Variants in RTTN observed in about 807,000 individuals in gnomAD.
RTTN encodes the protein rotatin.
A neutral mutation model predicts 269.2 loss-of-function variants in RTTN; 182 were observed. That is an observed-to-expected ratio of 0.68 (90% confidence interval 0.60 to 0.76). The LOEUF (loss-of-function observed/expected upper bound fraction) is 0.76. RTTN is among the 30% of genes least tolerant of loss of function. RTTN has a pLI of 0.00. For synonymous variants in RTTN, 1,006 were observed against 963.5 expected, an observed-to-expected ratio of 1.04 and a Z score of -0.82; for missense variants, 2,545 against 2,608.6, an observed-to-expected ratio of 0.98 and a Z score of 0.53.
intron 27 of RTTN, among the ~76,000 whole-genome samples, chr18:70,111,348 G>C (rs62089123): frequency 0.17 from 25,380 of 152,166 alleles, 2,960 homozygotes; most frequent in Non-Finnish European, 0.25. Context: ...CTGGAACGAA[G>C]CTTCCAGAGG....
At chr18:70,150,203 T>A in intron 15 of RTTN, 116 bp from the exon 16 acceptor site, 2 of 678,292 alleles carry the variant, frequency 2.9e-6, no homozygotes, top group Non-Finnish European at 5.3e-6. Context: ...CATCTCTTTC[T>A]TTCAAATGTT....
At position 70,070,725 on chromosome 18, in the gene RTTN, C is replaced by T. The variant is rs117059056; in HGVS notation, c.4653+3181G>A. ...GTCAGGTCATCAAACTTTAGCTTTC[C>T]GTCCCACATTCTACTCCAAACAACC... On this transcript the variant is annotated intron_variant, in intron 34 of 48. Coordinates refer to ENST00000640769, the MANE Select transcript of RTTN (RefSeq NM_173630.4). Among the ~76,000 whole-genome samples, 14 of 152,234 alleles carry T rather than the reference C, an allele frequency of 9.2e-5. No individual in the cohort carries two copies. In the East Asian group the frequency reaches 2.5e-3, roughly 27 times the overall value.
chr18:70,048,647 A>G (rs1329545493), intron 39 of RTTN, among the ~76,000 whole-genome samples: 6 of 152,216 alleles, frequency 3.9e-5, no homozygotes, highest in Non-Finnish European at 8.8e-5. Context: ...AATTATAACC[A>G]TAAAAATTTT....
At chr18:70,097,894 A>G (rs2059044513) in intron 28 of RTTN, among the ~76,000 whole-genome samples, 2 of 152,220 alleles carry the variant, frequency 1.3e-5, no homozygotes, top group Admixed American at 1.3e-4. Flanking sequence ...CACTTCTGAT[A>G]GTTTCTAAAC....
chr18:70,139,583 A>G lies in RTTN; in HGVS notation c.2788+16T>C, dbSNP rs1364190747. ...TTAAGAACAATCTAATTATTAGCAG[A>G]TTTTCTTTTATTTACCTCTGAATAA... On this transcript the variant is annotated intron_variant, in intron 21 of 48. Transcript: ENST00000640769. 2 of 1,453,414 alleles carry G rather than the reference A, an allele frequency of 1.4e-6. No homozygotes were observed. The highest frequency in any genetic ancestry group is 1.4e-5 in the African/African-American group (1 of 70,886). 90.0% of individuals were successfully genotyped at this position (1,453,414 alleles called of 1,614,324 possible). A position where few individuals can be genotyped will look rare whatever the true frequency, so the allele number is the denominator to read the frequency against.
chr18:70,048,018 G>A lies in RTTN; in HGVS notation c.5494C>T (p.Gln1832Ter). The change falls in exon 40 of 49, where the codon CAG (glutamine) becomes TAG (stop). Residue 1832 changes from glutamine (Q) to a stop codon, truncating the protein, a stop_gained. Coordinates refer to ENST00000640769, the MANE Select transcript of RTTN (RefSeq NM_173630.4). LOFTEE classifies it high-confidence loss of function. ...PTVASLLDDS[Q>*]ENQKSLEQLS... ...TGTTCTAGAGATTTCTGATTTTCCTGAGAGTCATCAAGAAGTGAAGCCACT... is the reference window on the plus strand; with the variant it reads ...TGTTCTAGAGATTTCTGATTTTCCTAAGAGTCATCAAGAAGTGAAGCCACT... The A allele has an allele frequency of 6.2e-7, 1 of 1,614,078 alleles. No homozygotes were observed. Among genetic ancestry groups the A allele is most frequent in the Non-Finnish European group, 8.5e-7 (1 of 1,179,958 alleles).
chr18:70,009,492 T>A (rs985209294), intron 46 of RTTN, among the ~76,000 whole-genome samples: 2 of 151,978 alleles, frequency 1.3e-5, no homozygotes, highest in African/African-American at 4.8e-5. Context: ...GCTTCATAAG[T>A]GAAAAATAAA....
At chr18:70,190,415 C>T in intron 9 of RTTN, 123 bp downstream of exon 9, 1 of 584,538 alleles carries the variant, frequency 1.7e-6, no homozygotes, top group Non-Finnish European at 2.8e-6. Context: ...AAATTTATAT[C>T]CCAAAAGATA....
intron 44 of RTTN, 93 bp from the exon 45 acceptor site, chr18:70,020,910 T>C (rs906809611): frequency 2.9e-6 from 3 of 1,032,836 alleles, no homozygotes; most frequent in Admixed American, 4.7e-5. Context: ...TCTAACAAAA[T>C]GACTAGGCCA....
intron 30 of RTTN, among the ~76,000 whole-genome samples, chr18:70,089,073 T>C (rs995380397): frequency 6.6e-6 from 1 of 152,210 alleles, no homozygotes; most frequent in Non-Finnish European, 1.5e-5. Flanking sequence ...ATAGATACTA[T>C]AACCTTTTCT....
chr18:70,100,958 G>A (rs2059146725), intron 28 of RTTN, among the ~76,000 whole-genome samples: 1 of 152,174 alleles, frequency 6.6e-6, no homozygotes, highest in Admixed American at 6.5e-5. Context: ...GCTTTTTCAT[G>A]TGCTGCTGGA....
Position 70,197,689 on chromosome 18 carries a change from A to G in RTTN, c.628T>C (p.Leu210=). 1.2e-6 allele frequency: 2 copies of G among 1,613,956 alleles called. No homozygotes were observed. The highest frequency in any genetic ancestry group is 1.3e-5 in the African/African-American group (1 of 75,062). The change falls in exon 6 of 49, where the codon TTG becomes CTG. Residue 210 remains leucine, a synonymous_variant. Transcript: ENST00000640769. ...AAATCTTGCATGATAACATCCTTCAATAGTTCACAGGTGTTCCAGATTAAA... is the reference window on the plus strand; with the variant it reads ...AAATCTTGCATGATAACATCCTTCAGTAGTTCACAGGTGTTCCAGATTAAA... ...HTLIWNTCEL[L]KDVIMQDFPA...
intron 30 of RTTN, among the ~76,000 whole-genome samples, chr18:70,089,889 TAAAG>T (rs1031984123): frequency 2.0e-5 from 3 of 152,080 alleles, no homozygotes; most frequent in African/African-American, 7.2e-5. Flanking sequence ...AGAGATGAAT[TAAAG>T]AAGGAATTAA....
Position 70,205,269 on chromosome 18 carries a change from G to A in RTTN, c.78C>T (p.Leu26=). The change falls in exon 2 of 49, where the codon CTC becomes CTT. Residue 26 remains leucine (L), a synonymous_variant. Coordinates refer to ENST00000640769, the MANE Select transcript of RTTN (RefSeq NM_173630.4). ...EIRERALKSI[L]CKIEHNLICY... is the part of the protein sequence containing the mutation. The stretch of plus-strand genomic sequence containing the variant: ...AGATTAAGTTGTGCTCAATCTTGCA[G>A]AGAATACTCTTGAGAGCGCGCTCCC... 1 of 1,614,214 alleles carries A rather than the reference G, an allele frequency of 6.2e-7. No individual in the cohort carries two copies. The highest frequency in any genetic ancestry group is 8.5e-7 in the Non-Finnish European group (1 of 1,180,038).
chr18:70,186,443 G>A (rs1407363547), intron 10 of RTTN, among the ~76,000 whole-genome samples: 2 of 152,158 alleles, frequency 1.3e-5, no homozygotes, highest in South Asian at 2.1e-4. Context: ...GTGAGGAACT[G>A]CTGTACTACT....
At chr18:70,063,659 T>C (rs2058052216) in intron 35 of RTTN, among the ~76,000 whole-genome samples, 1 of 152,222 alleles carries the variant, frequency 6.6e-6, no homozygotes, top group East Asian at 1.9e-4. Flanking sequence ...TCAAGGGAAA[T>C]CTTTCAGTAT....
rs142104587 is a variant in RTTN at position 70,075,295 on chromosome 18, AAC to A, written c.4564+55_4564+56del. 1.8e-3 allele frequency: 2,160 copies of A among 1,220,314 alleles called. 34 individuals carry two copies. The African/African-American group carries it at 0.03, about 17-fold the overall frequency. The allele number at this position is 1,220,314 out of a possible 1,614,324, so 75.6% of individuals were successfully genotyped here. A position where few individuals can be genotyped will look rare whatever the true frequency, so the allele number is the denominator to read the frequency against. On this transcript the variant is annotated intron_variant, in intron 33 of 48. Coordinates refer to ENST00000640769, the MANE Select transcript of RTTN (RefSeq NM_173630.4). ...TTTTAAAACAAATATATGTATTTTT[AAC>A]AGTTTTTACAAGTTACATATTACAA...
chr18:70,102,286 A>G (rs2059190167), intron 28 of RTTN, among the ~76,000 whole-genome samples: 1 of 152,200 alleles, frequency 6.6e-6, no homozygotes, highest in Admixed American at 6.5e-5. Flanking sequence ...TATATTTAGG[A>G]TAGTTAGCTC....
chr18:70,199,625 C>T, intron 4 of RTTN, 121 bp from the exon 5 acceptor site: 1 of 626,600 alleles, frequency 1.6e-6, no homozygotes, highest in South Asian at 1.9e-5. Context: ...CTTACAGTAA[C>T]CTAAAATATA....
Sources: gnomAD v4.1 joint callset for allele counts (sites outside exome capture counted in the v4.1 genomes callset) on GRCh38, gnomAD v4.1.1 for gene constraint, MANE v1.5 for transcripts, NCBI Gene and HGNC (gene_info 2026-07-23, HGNC 2026-07-21) for gene names.